The following ZFX variants were observed in gnomAD, a reference collection of about 807,000 sequenced individuals.
ZFX encodes zinc finger X-chromosomal protein.
For synonymous variants in ZFX, 196 were observed against 226.8 expected, an observed-to-expected ratio of 0.86 and a Z score of 1.22; for missense variants, 362 against 628.3, an observed-to-expected ratio of 0.58 and a Z score of 4.53.
At chrX:24,193,613 C>T (rs1421653418) in intron 5 of ZFX, among the ~76,000 whole-genome samples, 1 of 111,784 alleles carries the variant, frequency 8.9e-6, no homozygotes, top group African/African-American at 3.3e-5. Flanking sequence ...GGCCAAGCAA[C>T]AATCCCCTAG....
intron 3 of ZFX, among the ~76,000 whole-genome samples, chrX:24,171,899 AG>A (rs2147505780): frequency 3.2e-5 from 2 of 62,042 alleles, no homozygotes; most frequent in Admixed American, 3.6e-4. Flanking sequence ...CAGGACAGAG[AG>A]AGAAGGAGAG....
intron 5 of ZFX, among the ~76,000 whole-genome samples, chrX:24,197,208 A>G (rs529594166): frequency 4.4e-4 from 49 of 111,680 alleles, no homozygotes; most frequent in Middle Eastern, 9.2e-3. Context: ...GGTGGCTTGT[A>G]CCTGTAATCC....
chrX:24,187,148 C>A (rs148310769), intron 5 of ZFX, among the ~76,000 whole-genome samples: 3,387 of 111,808 alleles, frequency 0.03, 133 homozygotes, highest in African/African-American at 0.11. Context: ...TACATACATG[C>A]CTGTAGATGT....
intron 4 of ZFX, among the ~76,000 whole-genome samples, chrX:24,178,960 C>T (rs1294264224): frequency 8.9e-6 from 1 of 111,818 alleles, no homozygotes; most frequent in Non-Finnish European, 1.9e-5. Context: ...TTGCTTTGTT[C>T]TCCTAATTTT....
Position 24,211,020 on chromosome X carries a change from A to G in ZFX, c.2062A>G (p.Lys688Glu). Residue 688 changes from lysine (K) to glutamate (E), a missense_variant, in exon 10 of 10, where the codon AAA (lysine) becomes GAA (glutamate). Physicochemically the swap from Lys to Glu is moderately conservative, Grantham distance 56. Coordinates refer to ENST00000304543, the MANE Select transcript of ZFX (RefSeq NM_003410.4). ...ACACGTGGCTGCCCACAAGGGCAAA[A>G]AAATGCACCAGTGTAGACATTGTGA... ...KKHVAAHKGK[K>E]MHQCRHCDFK... 1 of 1,212,291 alleles carries G rather than the reference A, an allele frequency of 8.2e-7. No individual in the cohort carries two copies. The highest frequency in any genetic ancestry group is 1.1e-6 in the Non-Finnish European group (1 of 895,640).
At chrX:24,187,024 C>G (rs1345330865) in intron 5 of ZFX, among the ~76,000 whole-genome samples, 1 of 112,045 alleles carries the variant, frequency 8.9e-6, no homozygotes, top group Admixed American at 9.5e-5. Context: ...GCTATTGTCT[C>G]TTGATAAAAA....
chrX:24,212,419 G>A lies in ZFX; in HGVS notation c.*1043G>A, dbSNP rs1441126144. 5.4e-5 allele frequency: 6 copies of A among 112,132 alleles called. No homozygotes were observed. The highest frequency in any genetic ancestry group is 1.9e-4 in the Admixed American group (2 of 10,506). 9.2% of individuals were successfully genotyped at this position (112,132 alleles called of 1,213,427 possible). ...TCATGCTCTTCAGAGAGACTACTCA[G>A]GTGAAGAATTAGAAGGAAAATAAGG... On this transcript the variant is annotated 3_prime_UTR_variant, in exon 10 of 10. Transcript: ENST00000304543.
Position 24,216,024 on chromosome X carries a change from T to C in ZFX, c.*4648T>C, listed in dbSNP as rs1338486956. ...TTTCATAAAAATCTTGGATTTGTTA[T>C]ATATTGTTCCTGTTATTTTTGACAT... On this transcript the variant is annotated 3_prime_UTR_variant, in exon 10 of 10. Transcript: ENST00000304543. 8.9e-6 allele frequency: 1 copy of C among 112,132 alleles called. No individual in the cohort carries two copies. Among genetic ancestry groups the C allele is most frequent in the African/African-American group, 3.2e-5 (1 of 30,805 alleles). The allele number at this position is 112,132 out of a possible 1,213,427, so 9.2% of individuals were successfully genotyped here. A position where few individuals can be genotyped will look rare whatever the true frequency, so the allele number is the denominator to read the frequency against.
intron 3 of ZFX, among the ~76,000 whole-genome samples, chrX:24,159,035 C>T (rs1322436829): frequency 9.0e-6 from 1 of 110,973 alleles, no homozygotes; most frequent in African/African-American, 3.3e-5. Context: ...TGGGGTCTTG[C>T]TCTGTCGCCC....
rs183321452 is a variant in ZFX at position 24,172,906 on chromosome X, T to A, written c.58+106T>A. ...ATTGATCATTCACAGGTTATCTTGTTATCCTGTCAAAATTCACAGGTGTTA... is the reference window on the plus strand; with the variant it reads ...ATTGATCATTCACAGGTTATCTTGTAATCCTGTCAAAATTCACAGGTGTTA... On this transcript the variant is annotated intron_variant, in intron 4 of 9. Coordinates refer to ENST00000304543, the MANE Select transcript of ZFX (RefSeq NM_003410.4). 3.6e-3 allele frequency: 3,079 copies of A among 844,208 alleles called. 5 individuals carry two copies. The highest frequency in any genetic ancestry group is 4.6e-3 in the Non-Finnish European group (2,826 of 615,365). 69.6% of individuals were successfully genotyped at this position (844,208 alleles called of 1,213,427 possible).
At chrX:24,205,331 G>A (rs910860189) in intron 5 of ZFX, among the ~76,000 whole-genome samples, 2 of 111,830 alleles carry the variant, frequency 1.8e-5, no homozygotes, top group Admixed American at 1.9e-4. Context: ...AATTGTATTG[G>A]GTGCTAACTT....
intron 3 of ZFX, among the ~76,000 whole-genome samples, chrX:24,170,315 C>A (rs1236508959): frequency 2.8e-5 from 3 of 108,832 alleles, no homozygotes; most frequent in Admixed American, 9.9e-5. Flanking sequence ...TACCACCACG[C>A]CTGGCTAATT....
At chrX:24,167,232 A>G (rs1163968920) in intron 3 of ZFX, among the ~76,000 whole-genome samples, 1 of 111,854 alleles carries the variant, frequency 8.9e-6, no homozygotes, top group Non-Finnish European at 1.9e-5. Context: ...CTCTTCCACC[A>G]TTAAAGGAGA....
intron 5 of ZFX, among the ~76,000 whole-genome samples, chrX:24,201,568 C>G (rs886332168): frequency 8.9e-6 from 1 of 112,467 alleles, no homozygotes; most frequent in African/African-American, 3.2e-5. Flanking sequence ...GCTTTATCAA[C>G]AACATCAAAC....
rs1336025566 is a variant in ZFX, at chrX:24,182,168, G to T, written c.646+2398G>T. Among the ~76,000 whole-genome samples, 4 of 110,640 alleles carry T rather than the reference G, an allele frequency of 3.6e-5. No individual in the cohort carries two copies. In the South Asian group the frequency reaches 1.2e-3, roughly 32 times the overall value. On this transcript the variant is annotated intron_variant, in intron 5 of 9. Transcript: ENST00000304543. ...GTAGGTTTGGTGGGGGAAGGTGGGG[G>T]AAGGGGGAAGATTTAGGATCTGTTA...
intron 4 of ZFX, among the ~76,000 whole-genome samples, chrX:24,178,492 T>C (rs1815981506): frequency 9.1e-6 from 1 of 109,967 alleles, no homozygotes; most frequent in Non-Finnish European, 1.9e-5. Flanking sequence ...GGTTTCACCA[T>C]GTTAGCCAGG....
Position 24,206,504 on chromosome X carries a change from T to C in ZFX, c.647-822T>C, listed in dbSNP as rs1316423252. ...GGCGCATGCCACCATGCCTGGCGTG[T>C]GTGTGTGTGTGTGTGTGTGTGTGTG... On this transcript the variant is annotated intron_variant, in intron 5 of 9. Coordinates refer to ENST00000304543, the MANE Select transcript of ZFX (RefSeq NM_003410.4). Among the ~76,000 whole-genome samples the C allele has an allele frequency of 6.0e-4, 22 of 36,784 alleles. No individual in the cohort carries two copies. In the South Asian group the frequency reaches 0.022, roughly 37 times the overall value. 31.9% of individuals were successfully genotyped at this position (36,784 alleles called of 115,157 possible). A position where few individuals can be genotyped will look rare whatever the true frequency, so the allele number is the denominator to read the frequency against.
chrX:24,208,511 G>GT, intron 8 of ZFX, 141 bp downstream of exon 8: 1 of 802,428 alleles, frequency 1.2e-6, no homozygotes, highest in Non-Finnish European at 1.7e-6. Context: ...TTGAATTAGA[G>GT]TATAAAGTCT....
At chrX:24,163,487 C>T (rs1469572611) in intron 3 of ZFX, among the ~76,000 whole-genome samples, 1 of 96,660 alleles carries the variant, frequency 1.0e-5, no homozygotes, top group Non-Finnish European at 2.0e-5. Context: ...AAGTGATTCT[C>T]GTGCCTCAGC....
Sources: gnomAD v4.1 joint callset for allele counts (sites outside exome capture counted in the v4.1 genomes callset) on GRCh38, gnomAD v4.1.1 for gene constraint, MANE v1.5 for transcripts, NCBI Gene and HGNC (gene_info 2026-07-23, HGNC 2026-07-21) for gene names.